CYP20A1: variants seen among roughly 807,000 people sequenced by gnomAD.
CYP20A1 encodes cytochrome P450 family 20 subfamily A member 1.
Under a neutral mutation model 61.4 loss-of-function variants are expected in CYP20A1, and 61 were observed. That is an observed-to-expected ratio of 0.99 (90% CI 0.81 to 1.23). The LOEUF (loss-of-function observed/expected upper bound fraction) is 1.23, where lower values mean the gene tolerates loss of function less well. Ranked by LOEUF, CYP20A1 falls within the 50% of genes most tolerant of loss-of-function variation. The probability of loss-of-function intolerance (pLI) is 0.00; values close to 1 mark genes in which losing one functional copy is unlikely to be tolerated. For missense variants in CYP20A1, 530 were observed against 542.4 expected (o/e 0.98, Z 0.23); for synonymous variants, 193 against 188.2 (o/e 1.03, Z -0.21).
intron 6 of CYP20A1, among the ~76,000 whole-genome samples, chr2:203,274,820 C>T (rs763585796): frequency 2.5e-4 from 38 of 152,010 alleles, no homozygotes; most frequent in African/African-American, 8.9e-4. Context: ...TTGATCAATG[C>T]GTTTGGATTA....
At chr2:203,247,890 T>C (rs1189360626) in intron 3 of CYP20A1, among the ~76,000 whole-genome samples, 2 of 151,434 alleles carry the variant, frequency 1.3e-5, no homozygotes, top group African/African-American at 2.4e-5. Context: ...GGGAAATACT[T>C]GTACCATCAG....
chr2:203,272,045 A>G (rs2067623716), intron 5 of CYP20A1, among the ~76,000 whole-genome samples: 1 of 152,184 alleles, frequency 6.6e-6, no homozygotes, highest in Non-Finnish European at 1.5e-5. Flanking sequence ...GGAAGAAAAA[A>G]TGAGGGTTGA....
At chr2:203,260,859 TC>T (rs1442107202) in intron 4 of CYP20A1, among the ~76,000 whole-genome samples, 1 of 152,212 alleles carries the variant, frequency 6.6e-6, no homozygotes, top group Non-Finnish European at 1.5e-5. Context: ...TTTCCTTTTT[TC>T]CAACTTTAAG....
At chr2:203,262,342 A>G (rs1376867075) in intron 4 of CYP20A1, among the ~76,000 whole-genome samples, 1 of 152,060 alleles carries the variant, frequency 6.6e-6, no homozygotes, top group Non-Finnish European at 1.5e-5. Context: ...ACAGATGTAC[A>G]CCACCATGCC....
chr2:203,252,163 A>G (rs1470136146), intron 4 of CYP20A1, 54 bp downstream of exon 4: 12 of 1,400,716 alleles, frequency 8.6e-6, no homozygotes, highest in Non-Finnish European at 1.2e-5. Flanking sequence ...AATAGTATTT[A>G]TTTTTTGAGT....
At chr2:203,260,675 T>C (rs2067101733) in intron 4 of CYP20A1, among the ~76,000 whole-genome samples, 1 of 152,110 alleles carries the variant, frequency 6.6e-6, no homozygotes, top group Non-Finnish European at 1.5e-5. Context: ...TGTGCCACCA[T>C]GGCCAGCTAA....
At chr2:203,279,173 G>A (rs558357668) in intron 7 of CYP20A1, among the ~76,000 whole-genome samples, 15 of 152,152 alleles carry the variant, frequency 9.9e-5, no homozygotes, top group African/African-American at 3.4e-4. Flanking sequence ...CACCTTGTTG[G>A]CCAGGATGGT....
Position 203,272,660 on chromosome 2 carries a change from C to T in CYP20A1, c.601-10C>T. ...TTAGATAATAGTTATGTATATTTAC[C>T]TATTTTCAGGTTTGGTCTGAGATTG... On this transcript the variant is annotated splice_polypyrimidine_tract_variant and intron_variant, in intron 5 of 12. Coordinates refer to ENST00000356079, the MANE Select transcript of CYP20A1 (RefSeq NM_177538.3). 2 of 1,564,000 alleles carry T rather than the reference C, an allele frequency of 1.3e-6. No homozygotes were observed. The highest frequency in any genetic ancestry group is 1.7e-6 in the Non-Finnish European group (2 of 1,150,758).
intron 5 of CYP20A1, among the ~76,000 whole-genome samples, chr2:203,271,264 A>G (rs1204906549): frequency 6.7e-6 from 1 of 148,816 alleles, no homozygotes; most frequent in African/African-American, 2.5e-5. Context: ...ATTTTTTTGT[A>G]TTTTTAGTAC....
chr2:203,275,352 A>T (rs1047297736), intron 6 of CYP20A1, among the ~76,000 whole-genome samples: 1 of 152,216 alleles, frequency 6.6e-6, no homozygotes, highest in African/African-American at 2.4e-5. Context: ...GTTGTTTGAA[A>T]AAACTTCTCA....
intron 5 of CYP20A1, among the ~76,000 whole-genome samples, chr2:203,267,742 G>A (rs1314757227): frequency 6.6e-6 from 1 of 151,634 alleles, no homozygotes; most frequent in Non-Finnish European, 1.5e-5. Flanking sequence ...TACTTGGGAG[G>A]CTGAGGCAGA....
chr2:203,271,065 T>C lies in CYP20A1; in HGVS notation c.601-1605T>C, dbSNP rs1277924356. Among the ~76,000 whole-genome samples, 10 of 65,552 alleles carry C rather than the reference T, an allele frequency of 1.5e-4. 1 individual carries two copies. The highest frequency in any genetic ancestry group is 9.3e-4 in the Admixed American group (5 of 5,400). The allele number at this position is 65,552 out of a possible 152,430, so 43.0% of individuals were successfully genotyped here. ...ATATATGTATATGTGTATATATATATATATATATATATATATATTTTTTTT... is the reference window on the plus strand; with the variant it reads ...ATATATGTATATGTGTATATATATACATATATATATATATATATTTTTTTT... On this transcript the variant is annotated intron_variant, in intron 5 of 12. Transcript: ENST00000356079.
At chr2:203,283,114 T>G (rs1290817192) in intron 8 of CYP20A1, among the ~76,000 whole-genome samples, 1 of 150,104 alleles carries the variant, frequency 6.7e-6, no homozygotes, top group African/African-American at 2.4e-5. Flanking sequence ...GATCAAGGCC[T>G]CAAGTGAGCT....
intron 8 of CYP20A1, among the ~76,000 whole-genome samples, chr2:203,281,508 A>G (rs990909670): frequency 6.6e-6 from 1 of 150,570 alleles, no homozygotes; most frequent in Non-Finnish European, 1.5e-5. Context: ...GACCCTGTCA[A>G]AAAACAAAAG....
chr2:203,251,948 T>C lies in CYP20A1; in HGVS notation c.290-19T>C. On this transcript the variant is annotated intron_variant, in intron 3 of 12. Transcript: ENST00000356079. ...GAGTGATTATTTTGATACAGAAATA[T>C]TTAATTTGTCTGTTTCAGCGGACCC... 1 of 1,519,092 alleles carries C rather than the reference T, an allele frequency of 6.6e-7. No individual in the cohort carries two copies. Among genetic ancestry groups the C allele is most frequent in the Non-Finnish European group, 8.9e-7 (1 of 1,126,536 alleles). 94.1% of individuals were successfully genotyped at this position (1,519,092 alleles called of 1,614,324 possible).
chr2:203,271,082 A>ATATATATATT (rs1178482961), intron 5 of CYP20A1, among the ~76,000 whole-genome samples: 2 of 31,640 alleles, frequency 6.3e-5, no homozygotes, highest in African/African-American at 2.1e-4. Context: ...ATATATATAT[A>ATATATATATT]TTTTTTTTTT....
intron 4 of CYP20A1, among the ~76,000 whole-genome samples, chr2:203,266,021 C>CT (rs1171241834): frequency 5.9e-5 from 9 of 152,148 alleles, no homozygotes; most frequent in African/African-American, 1.7e-4. Flanking sequence ...TTACTAGACT[C>CT]TGTTTTTATT....
intron 3 of CYP20A1, among the ~76,000 whole-genome samples, chr2:203,249,296 C>T (rs935454249): frequency 2.0e-5 from 3 of 152,124 alleles, no homozygotes; most frequent in African/African-American, 7.2e-5. Context: ...GCGAAGATCG[C>T]TTGAACCCAA....
At chr2:203,271,877 T>A (rs2067614075) in intron 5 of CYP20A1, among the ~76,000 whole-genome samples, 1 of 151,952 alleles carries the variant, frequency 6.6e-6, no homozygotes, top group South Asian at 2.1e-4. Flanking sequence ...AATACAAAAA[T>A]TAGCTGGGCA....
Sources: allele counts gnomAD v4.1 joint callset (sites outside exome capture counted in the v4.1 genomes callset), GRCh38; gene constraint gnomAD v4.1.1; transcripts MANE v1.5; gene names NCBI Gene and HGNC (gene_info 2026-07-23, HGNC 2026-07-21).